The following ELMOD1 variants were observed in gnomAD, a reference collection of about 807,000 sequenced individuals.
The protein encoded by ELMOD1 is ELMO domain containing 1.
ELMOD1 carries 21 observed loss-of-function variants against 46.7 expected under a neutral mutation model. That is an observed-to-expected ratio of 0.45 (90% CI 0.32 to 0.65). The LOEUF (loss-of-function observed/expected upper bound fraction) is 0.65, where lower values mean the gene tolerates loss of function less well. Ranked by LOEUF, ELMOD1 falls within the 30% of genes least tolerant of loss-of-function variation. The pLI, the probability that ELMOD1 is intolerant of heterozygous loss-of-function variation, is 0.04. For synonymous variants in ELMOD1, 122 were observed against 138.2 expected (o/e 0.88, Z 0.82); for missense variants, 348 against 407.8 (o/e 0.85, Z 1.26).
intron 2 of ELMOD1, chr11:107,623,709 A>C (rs1179934872): frequency 6.6e-6 from 1 of 151,962 alleles, no homozygotes; most frequent in African/African-American, 2.4e-5. Flanking sequence ...CTGTTTTTCA[A>C]CTTTCTGTTT....
chr11:107,600,901 G>T (rs1052653121), intron 1 of ELMOD1: 1 of 151,278 alleles, frequency 6.6e-6, no homozygotes, highest in East Asian at 1.9e-4. Context: ...TTAAAGTGTG[G>T]TTTAAGTCAA....
At chr11:107,664,527 C>G (rs1426920662) in intron 11 of ELMOD1, among the ~76,000 whole-genome samples, 1 of 152,154 alleles carries the variant, frequency 6.6e-6, no homozygotes, top group Non-Finnish European at 1.5e-5. Context: ...CTGTGTTGTT[C>G]AGGGTTGATT....
chr11:107,635,847 T>C (rs1336539567), intron 6 of ELMOD1, 82 bp downstream of exon 6: 2 of 1,415,658 alleles, frequency 1.4e-6, no homozygotes, highest in African/African-American at 1.4e-5. Context: ...GGCGCTGCTC[T>C]GGACATCAGG....
chr11:107,598,408 G>A (rs896647392), intron 1 of ELMOD1, among the ~76,000 whole-genome samples: 1 of 152,224 alleles, frequency 6.6e-6, no homozygotes, highest in Admixed American at 6.5e-5. Context: ...CCCACACTGG[G>A]AAGGGGAAAT....
At chr11:107,663,986 G>A (rs77257800) in intron 11 of ELMOD1, among the ~76,000 whole-genome samples, 3,393 of 151,920 alleles carry the variant, frequency 0.022, 120 homozygotes, top group African/African-American at 0.076. Context: ...TTTTTCTTTT[G>A]TCTTCTTTTT....
At chr11:107,659,573 C>A (rs565403018) in intron 11 of ELMOD1, among the ~76,000 whole-genome samples, 1 of 146,568 alleles carries the variant, frequency 6.8e-6, no homozygotes, top group African/African-American at 2.5e-5. Flanking sequence ...CATTTAAGGG[C>A]AGGTTTCACT....
At chr11:107,631,712 C>A (rs1471604505) in intron 5 of ELMOD1, 35 bp downstream of exon 5, 3 of 1,193,920 alleles carry the variant, frequency 2.5e-6, no homozygotes, top group Admixed American at 2.3e-5. Flanking sequence ...AAATACAGAA[C>A]ACAAATCACA....
intron 6 of ELMOD1, chr11:107,643,978 A>C (rs1449937539): frequency 6.1e-6 from 1 of 162,940 alleles, no homozygotes; most frequent in Non-Finnish European, 1.3e-5. Flanking sequence ...TTTTTAAAGC[A>C]TTTTATTATT....
intron 11 of ELMOD1, among the ~76,000 whole-genome samples, chr11:107,656,775 A>G (rs497164): frequency 0.78 from 118,898 of 152,070 alleles, 47,413 homozygotes; most frequent in African/African-American, 0.94. Context: ...TAAGAGTGCA[A>G]GTTCCGAAGA....
chr11:107,632,075 T>C (rs892006695), intron 5 of ELMOD1, among the ~76,000 whole-genome samples: 1 of 152,254 alleles, frequency 6.6e-6, no homozygotes, highest in Non-Finnish European at 1.5e-5. Flanking sequence ...TGAATATTAC[T>C]TTATGACAGG....
At chr11:107,607,557 C>T (rs1865706289) in intron 1 of ELMOD1, among the ~76,000 whole-genome samples, 1 of 152,116 alleles carries the variant, frequency 6.6e-6, no homozygotes, top group Non-Finnish European at 1.5e-5. Context: ...ACTTGGGAAC[C>T]TGAAGTGGGA....
At chr11:107,648,188 T>C (rs1189328333) in intron 7 of ELMOD1, among the ~76,000 whole-genome samples, 1 of 122,458 alleles carries the variant, frequency 8.2e-6, no homozygotes, top group East Asian at 2.5e-4. Flanking sequence ...CACTTCCATG[T>C]AAGATCTACA....
intron 4 of ELMOD1, among the ~76,000 whole-genome samples, chr11:107,631,354 T>C (rs933986208): frequency 6.6e-6 from 1 of 150,742 alleles, no homozygotes; most frequent in Admixed American, 6.6e-5. Flanking sequence ...ACCAAAAAAA[T>C]TGTATGTGTT....
chr11:107,634,081 G>T (rs968922637), intron 5 of ELMOD1, among the ~76,000 whole-genome samples: 8 of 152,128 alleles, frequency 5.3e-5, no homozygotes, highest in South Asian at 2.1e-4. Context: ...ATGATGTACA[G>T]TGATTATAAT....
intron 10 of ELMOD1, among the ~76,000 whole-genome samples, chr11:107,655,224 A>G (rs1454493600): frequency 1.3e-5 from 2 of 152,200 alleles, no homozygotes; most frequent in Non-Finnish European, 2.9e-5. Context: ...ATCGTCTTTA[A>G]GAAGATAGTT....
chr11:107,627,549 C>T (rs1475555695), intron 2 of ELMOD1, among the ~76,000 whole-genome samples: 1 of 152,114 alleles, frequency 6.6e-6, no homozygotes, highest in African/African-American at 2.4e-5. Context: ...AAAACAGTAA[C>T]ACAGTCATTT....
chr11:107,641,290 T>C (rs1178666925), intron 6 of ELMOD1, among the ~76,000 whole-genome samples: 2 of 148,684 alleles, frequency 1.3e-5, no homozygotes, highest in Non-Finnish European at 3.0e-5. Flanking sequence ...AGACTCTGTC[T>C]CAAAAAAGAA....
intron 6 of ELMOD1, 96 bp downstream of exon 6, chr11:107,635,861 A>T: frequency 7.8e-7 from 1 of 1,287,598 alleles, no homozygotes; most frequent in Non-Finnish European, 1.0e-6. Flanking sequence ...CATCAGGGGT[A>T]CAAAGATGGA....
At chr11:107,651,053 C>T (rs1217081637) in intron 9 of ELMOD1, 145 bp downstream of exon 9, 1 of 462,812 alleles carries the variant, frequency 2.2e-6, no homozygotes, top group African/African-American at 2.1e-5. Flanking sequence ...TTAATTATAG[C>T]TGGGCTATGT....
Sources: allele counts gnomAD v4.1 joint callset (sites outside exome capture counted in the v4.1 genomes callset), GRCh38; gene constraint gnomAD v4.1.1; transcripts MANE v1.5; gene names NCBI Gene and HGNC (gene_info 2026-07-23, HGNC 2026-07-21).